The following C10orf71 variants were observed in gnomAD, a reference collection of about 807,000 sequenced individuals.
C10orf71 encodes chromosome 10 open reading frame 71, also known as cardiac-enriched FHL2-interacting protein.
For missense variants in C10orf71, 1,869 were observed against 1,804.5 expected (o/e 1.04, Z -0.65); for synonymous variants, 758 against 726.3 (o/e 1.04, Z -0.70).
At chr10:49,320,376 C>T (rs926476168) in intron 2 of C10orf71, among the ~76,000 whole-genome samples, 2 of 152,172 alleles carry the variant, frequency 1.3e-5, no homozygotes, top group African/African-American at 2.4e-5. Context: ...CTGGCCACCC[C>T]CACAGGCTGG....
At position 49,327,052 on chromosome 10, in the gene C10orf71, G is replaced by C; in HGVS notation, c.*199G>C. The C allele has an allele frequency of 6.5e-7, 1 of 1,542,044 alleles. No homozygotes were observed. Among genetic ancestry groups the C allele is most frequent in the Admixed American group, 1.8e-5 (1 of 54,270 alleles). On this transcript the variant is annotated 3_prime_UTR_variant, in exon 3 of 3. Transcript: ENST00000374144. ...ACGACCTCACCCAAAGGGCTCCCTG[G>C]CTCTCCTCTGATGGAGGGGCACTGC...
rs746813394 is a variant in C10orf71 at position 49,327,032 on chromosome 10, C to G, written c.*179C>G. 6.3e-7 allele frequency: 1 copy of G among 1,579,464 alleles called. No homozygotes were observed. The highest frequency in any genetic ancestry group is 8.6e-7 in the Non-Finnish European group (1 of 1,160,830). ...AAGGCAGTAGGGATCCCAAGACGAC[C>G]TCACCCAAAGGGCTCCCTGGCTCTC... is the stretch of plus-strand genomic sequence containing the variant. On this transcript the variant is annotated 3_prime_UTR_variant, in exon 3 of 3. Coordinates refer to ENST00000374144, the MANE Select transcript of C10orf71 (RefSeq NM_001135196.2).
At chr10:49,303,198 T>C (rs1848757101) in intron 1 of C10orf71, among the ~76,000 whole-genome samples, 1 of 152,116 alleles carries the variant, frequency 6.6e-6, no homozygotes, top group Non-Finnish European at 1.5e-5. Flanking sequence ...GCTGGCACCA[T>C]ACAGGACTGA....
chr10:49,308,920 A>G (rs78818156), intron 1 of C10orf71, among the ~76,000 whole-genome samples: 15,830 of 152,278 alleles, frequency 0.1, 990 homozygotes, highest in Admixed American at 0.14. Context: ...GCCAGAGAGC[A>G]GGGCACAGAG....
rs1297083465 is a variant in C10orf71 at position 49,325,306 on chromosome 10, A to T, written c.2761A>T (p.Asn921Tyr). The part of the protein sequence containing the change: ...QDILGTSTPT[N>Y]TRGTRVKCMA... ...CATTCTTGGTACATCGACACCCACT[A>T]ACACACGGGGCACACGTGTGAAGTG... Residue 921 changes from asparagine to tyrosine, a missense_variant, in exon 3 of 3, where the codon AAC becomes TAC. Physicochemically the swap from Asn to Tyr is moderately radical, Grantham distance 143. Coordinates refer to ENST00000374144, the MANE Select transcript of C10orf71 (RefSeq NM_001135196.2). 11 of 1,551,606 alleles carry T rather than the reference A, an allele frequency of 7.1e-6. No individual in the cohort carries two copies. Among genetic ancestry groups the T allele is most frequent in the Non-Finnish European group, 9.6e-6 (11 of 1,147,002 alleles).
chr10:49,317,509 G>T (rs1316279256), intron 2 of C10orf71, among the ~76,000 whole-genome samples: 1 of 152,184 alleles, frequency 6.6e-6, no homozygotes, highest in Non-Finnish European at 1.5e-5. Context: ...TTAAAGACGA[G>T]GTTATTAAGG....
intron 2 of C10orf71, among the ~76,000 whole-genome samples, chr10:49,322,037 G>T (rs4838497): frequency 0.26 from 39,082 of 152,080 alleles, 5,198 homozygotes; most frequent in East Asian, 0.38. Flanking sequence ...TTTCATTTTT[G>T]TGATTGTTTC....
chr10:49,326,660 C>G lies in C10orf71; in HGVS notation c.4115C>G (p.Ala1372Gly). Residue 1372 changes from alanine (A) to glycine (G), a missense_variant, in exon 3 of 3, where the codon GCC becomes GGC. Physicochemically the swap from Ala to Gly is moderately conservative, Grantham distance 60. Transcript: ENST00000374144. ...GGCCCTCGTGCCTCCGCGGCCCGCGCCAGGACCCAGAGTGTCCACGAGTCT... is the reference window on the plus strand; with the variant it reads ...GGCCCTCGTGCCTCCGCGGCCCGCGGCAGGACCCAGAGTGTCCACGAGTCT... Reference protein sequence around the residue: ...RQGPRASAARARTQSVHESGL... With the variant: ...RQGPRASAARGRTQSVHESGL... 2 of 1,550,586 alleles carry G rather than the reference C, an allele frequency of 1.3e-6. No homozygotes were observed. The highest frequency in any genetic ancestry group is 1.4e-5 in the African/African-American group (1 of 73,172).
rs1447436493 is a variant in C10orf71 at position 49,325,799 on chromosome 10, G to A, written c.3254G>A (p.Gly1085Glu). The stretch of plus-strand genomic sequence containing the variant: ...GAGGAGTCTTCCCAGGCCCCTGGAG[G>A]ACCAGAGCTGCTTCCCGAGGAGCCT... ...IWEESSQAPG[G>E]PELLPEEPNQ... Residue 1085 changes from glycine to glutamate, a missense_variant, in exon 3 of 3, where the codon GGA becomes GAA. Gly to Glu is a moderately conservative substitution (Grantham distance 98). Coordinates refer to ENST00000374144, the MANE Select transcript of C10orf71 (RefSeq NM_001135196.2). 6.4e-7 allele frequency: 1 copy of A among 1,551,336 alleles called. No individual in the cohort carries two copies. The highest frequency in any genetic ancestry group is 1.4e-5 in the African/African-American group (1 of 73,058).
rs771846970 is a variant in C10orf71, at chr10:49,325,379, C to A, written c.2834C>A (p.Ala945Asp). The A allele has an allele frequency of 1.9e-6, 3 of 1,551,534 alleles. No individual in the cohort carries two copies. In the South Asian group the frequency reaches 3.6e-5, roughly 18 times the overall value. Residue 945 changes from alanine to aspartate, a missense_variant, in exon 3 of 3, where the codon GCC becomes GAC. Ala to Asp is a moderately radical substitution (Grantham distance 126). Transcript: ENST00000374144. ...GACCCTGGGCAGGGGTCGAGCATGG[C>A]CAGGATGGAGGCCTCTCAGCCAGCC... Reference protein sequence around the residue: ...MEDPGQGSSMARMEASQPAPK... With the variant: ...MEDPGQGSSMDRMEASQPAPK...
chr10:49,307,344 C>T (rs925887072), intron 1 of C10orf71, among the ~76,000 whole-genome samples: 2 of 152,176 alleles, frequency 1.3e-5, no homozygotes, highest in Admixed American at 6.5e-5. Flanking sequence ...GAGAGAGTGT[C>T]GTGGAGCAGC....
intron 1 of C10orf71, among the ~76,000 whole-genome samples, chr10:49,308,069 G>C (rs1210633139): frequency 6.6e-6 from 1 of 152,192 alleles, no homozygotes; most frequent in African/African-American, 2.4e-5. Context: ...GTCAGCTTCA[G>C]GCTGGGCTGA....
At position 49,323,308 on chromosome 10, in the gene C10orf71, C is replaced by T. The variant is rs776238400; in HGVS notation, c.763C>T (p.His255Tyr). ...TGAGTCAAAGTTCCCCTCTCCACAC[C>T]ACAAGCCAGTCACGGGTGAGCCTGG... ...LCESKFPSPH[H>Y]KPVTGEPGRG... Residue 255 changes from histidine to tyrosine, a missense_variant, in exon 3 of 3, where the codon CAC becomes TAC. Coordinates refer to ENST00000374144, the MANE Select transcript of C10orf71 (RefSeq NM_001135196.2). 4 of 1,613,874 alleles carry T rather than the reference C, an allele frequency of 2.5e-6. No individual in the cohort carries two copies. Among genetic ancestry groups the T allele is most frequent in the East Asian group, 2.2e-5 (1 of 44,876 alleles).
In C10orf71 at chr10:49,326,803, A is replaced by T. The variant is rs771249388; in HGVS notation, c.4258A>T (p.Ile1420Phe). ...GGGTGTAGAAGCTCCAGGCCTGGGC[A>T]TCATCTCCACTGATGACCTAGAGGA... ...EEGVEAPGLG[I>F]ISTDDLEDFA... The change falls in exon 3 of 3, where the codon ATC becomes TTC. Residue 1420 changes from isoleucine to phenylalanine, a missense_variant. Physicochemically the swap from Ile to Phe is conservative, Grantham distance 21. Transcript: ENST00000374144. The T allele has an allele frequency of 6.5e-7, 1 of 1,549,818 alleles. No individual in the cohort carries two copies. The highest frequency in any genetic ancestry group is 8.7e-7 in the Non-Finnish European group (1 of 1,146,962).
At chr10:49,308,519 G>A (rs1345469441) in intron 1 of C10orf71, among the ~76,000 whole-genome samples, 2 of 152,204 alleles carry the variant, frequency 1.3e-5, no homozygotes, top group African/African-American at 4.8e-5. Context: ...GGCCAGACTG[G>A]ATGCACAATG....
rs114625732 is a variant in C10orf71, at chr10:49,311,041, G to T, written c.-247-5104G>T. Among the ~76,000 whole-genome samples, 729 of 151,850 alleles carry T rather than the reference G, an allele frequency of 4.8e-3. 9 individuals carry two copies. The highest frequency in any genetic ancestry group is 0.017 in the African/African-American group (698 of 41,358). Reference sequence around the variant, plus strand: ...CCAGACCACCAACTGTTCCCTCTGTGCAGTGTCCCCAGGACCACCAAGACC... The same window carrying T: ...CCAGACCACCAACTGTTCCCTCTGTTCAGTGTCCCCAGGACCACCAAGACC... On this transcript the variant is annotated intron_variant, in intron 1 of 2. Transcript: ENST00000374144.
At chr10:49,315,464 T>C (rs1848985344) in intron 1 of C10orf71, among the ~76,000 whole-genome samples, 1 of 152,192 alleles carries the variant, frequency 6.6e-6, no homozygotes, top group Non-Finnish European at 1.5e-5. Context: ...CTGAGTGGAC[T>C]TGACTTTCAC....
In C10orf71 at chr10:49,325,086, T is replaced by C; in HGVS notation, c.2541T>C (p.Ser847=). ...QAKDLTPSPS[S]ASNRHMLFTI... ...AAGACCTTACTCCCTCACCATCTTC[T>C]GCTTCAAACAGGCACATGCTGTTTA... Residue 847 remains serine (S), a synonymous_variant, in exon 3 of 3, where the codon TCT becomes TCC. Transcript: ENST00000374144. 9.0e-6 allele frequency: 14 copies of C among 1,551,940 alleles called. No homozygotes were observed. The highest frequency in any genetic ancestry group is 1.2e-5 in the Non-Finnish European group (14 of 1,147,058).
In C10orf71 at chr10:49,321,157, A is replaced by C. The variant is rs1183354372; in HGVS notation, c.-144-1245A>C. 3.9e-5 allele frequency among the ~76,000 whole-genome samples: 6 copies of C among 152,210 alleles called. No individual in the cohort carries two copies. The East Asian group carries it at 1.2e-3, about 29-fold the overall frequency. The stretch of plus-strand genomic sequence containing the variant: ...ACTACAGACACCTGCTGTACATCAG[A>C]TCTCCAGAACTAATTCATCCTGCAT... On this transcript the variant is annotated intron_variant, in intron 2 of 2. Transcript: ENST00000374144.
Sources: gnomAD v4.1 joint callset for allele counts (sites outside exome capture counted in the v4.1 genomes callset) on GRCh38, gnomAD v4.1.1 for gene constraint, MANE v1.5 for transcripts, NCBI Gene and HGNC (gene_info 2026-07-23, HGNC 2026-07-21) for gene names.